SLC46A2: variants seen among roughly 807,000 people sequenced by gnomAD.
The protein encoded by SLC46A2 is solute carrier family 46 member 2.
A neutral mutation model predicts 33.1 loss-of-function variants in SLC46A2; 25 were observed. The observed-to-expected ratio is 0.76, with a 90% CI of 0.55 to 1.06. SLC46A2 has a LOEUF of 1.06. Ranked by LOEUF, SLC46A2 falls within the 50% of genes least tolerant of loss-of-function variation. The probability of loss-of-function intolerance (pLI) is 0.00; values close to 1 mark genes in which losing one functional copy is unlikely to be tolerated. For missense variants in SLC46A2, 622 were observed against 621.7 expected, an observed-to-expected ratio of 1.00 and a Z score of 0.00; for synonymous variants, 254 against 275.9, an observed-to-expected ratio of 0.92 and a Z score of 0.79.
In SLC46A2 at chr9:112,887,295, C is replaced by T. The variant is rs1841653391; in HGVS notation, c.1213+35G>A. 5.6e-6 allele frequency: 9 copies of T among 1,600,736 alleles called. No individual in the cohort carries two copies. In the East Asian group the frequency reaches 1.1e-4, roughly 20 times the overall value. On this transcript the variant is annotated intron_variant, in intron 2 of 3. Transcript: ENST00000374228. ...CTTAGCAGCTCTGAAACAGCCCGGG[C>T]AGAAGATTCCAGAGAGATTCTGTTC... is the stretch of plus-strand genomic sequence containing the variant.
rs760890495 is a variant in SLC46A2 at position 112,887,416 on chromosome 9, G to A, written c.1130-3C>T. 2.5e-6 allele frequency: 4 copies of A among 1,605,258 alleles called. No individual in the cohort carries two copies. In the African/African-American group the frequency reaches 5.4e-5, roughly 22 times the overall value. ...AGCAAACAGCATGACGGCTCGAGCT[G>A]AAAGAGATCACACAAGAACACTCCT... On this transcript the variant is annotated splice_region_variant and splice_polypyrimidine_tract_variant and intron_variant, in intron 1 of 3. Coordinates refer to ENST00000374228, the MANE Select transcript of SLC46A2 (RefSeq NM_033051.4).
Position 112,890,801 on chromosome 9 carries a change from C to G in SLC46A2, c.-120G>C. ...CGGAGCGCGAGTGTGCTCCGTGCGC[C>G]GGGAGCGCGAGTGTGCTCCGTGCGC... On this transcript the variant is annotated 5_prime_UTR_variant, in exon 1 of 4. Coordinates refer to ENST00000374228, the MANE Select transcript of SLC46A2 (RefSeq NM_033051.4). This position sits in a 1 kb window ranked among gnomAD's most constrained non-coding sequence, Gnocchi z 6.0. 1 of 779,904 alleles carries G rather than the reference C, an allele frequency of 1.3e-6. No individual in the cohort carries two copies. The highest frequency in any genetic ancestry group is 2.2e-5 in the South Asian group (1 of 46,376). 48.3% of individuals were successfully genotyped at this position (779,904 alleles called of 1,614,324 possible). A position where few individuals can be genotyped will look rare whatever the true frequency, so the allele number is the denominator to read the frequency against.
At chr9:112,886,815 C>T (rs1411068681) in intron 2 of SLC46A2, among the ~76,000 whole-genome samples, 199 bp from the exon 3 acceptor site, 2 of 152,176 alleles carry the variant, frequency 1.3e-5, no homozygotes, top group Non-Finnish European at 2.9e-5. Context: ...GCCTTAAACT[C>T]CTGGGCTCAG....
In SLC46A2 at chr9:112,890,181, G is replaced by A. The variant is rs371721307; in HGVS notation, c.501C>T (p.Gly167=). ...TGAGGATGAGGCGCACAGAGCGGCG[G>A]CCCTCGGAGGAGCCCAGCGATCCCA... ...MALGSLGSSE[G]RRSVRLILID... is the part of the protein sequence containing the mutation. The change falls in exon 1 of 4, where the codon GGC becomes GGT. Residue 167 remains glycine (G), a synonymous_variant. Coordinates refer to ENST00000374228, the MANE Select transcript of SLC46A2 (RefSeq NM_033051.4). This position sits in a 1 kb window ranked among gnomAD's most constrained non-coding sequence, Gnocchi z 6.0. 1.4e-5 allele frequency: 23 copies of A among 1,612,898 alleles called. No individual in the cohort carries two copies. The highest frequency in any genetic ancestry group is 1.0e-5 in the Non-Finnish European group (12 of 1,179,904).
At position 112,890,157 on chromosome 9, in the gene SLC46A2, G is replaced by A; in HGVS notation, c.525C>T (p.Leu175=). The A allele has an allele frequency of 6.2e-7, 1 of 1,613,652 alleles. No homozygotes were observed. Among genetic ancestry groups the A allele is most frequent in the Admixed American group, 1.7e-5 (1 of 60,020 alleles). Residue 175 remains leucine (L), a synonymous_variant, in exon 1 of 4, where the codon CTC becomes CTT. Coordinates refer to ENST00000374228, the MANE Select transcript of SLC46A2 (RefSeq NM_033051.4). The surrounding 1 kb of genome is among the most constrained non-coding windows in gnomAD (Gnocchi z 6.0). ...CCGCCAAGCCCAGCATCAGGTCAAT[G>A]AGGATGAGGCGCACAGAGCGGCGGC... ...SEGRRSVRLI[L]IDLMLGLAGF...
At position 112,878,928 on chromosome 9, in the gene SLC46A2, A is replaced by G. The variant is rs1841545938; in HGVS notation, c.*834T>C. 6.6e-6 allele frequency: 1 copy of G among 152,204 alleles called. No homozygotes were observed. The highest frequency in any genetic ancestry group is 2.4e-5 in the African/African-American group (1 of 41,472). 9.4% of individuals were successfully genotyped at this position (152,204 alleles called of 1,614,324 possible). On this transcript the variant is annotated 3_prime_UTR_variant, in exon 4 of 4. Transcript: ENST00000374228. ...AACGATTCACACACTCATACAATGA[A>G]TGTTGATTTTATTAGGTGAGTCTGC...
At chr9:112,888,481 A>G (rs1841674473) in intron 1 of SLC46A2, among the ~76,000 whole-genome samples, 1 of 152,164 alleles carries the variant, frequency 6.6e-6, no homozygotes, top group Admixed American at 6.5e-5. Context: ...TGTTTTTTTG[A>G]TATGATAGCC....
intron 1 of SLC46A2, 99 bp from the exon 2 acceptor site, chr9:112,887,512 T>C (rs527706060): frequency 1.8e-6 from 2 of 1,091,544 alleles, no homozygotes; most frequent in African/African-American, 1.6e-5. Context: ...CTCCCCACAA[T>C]CCGAATGTGG....
In SLC46A2 at chr9:112,879,821, T is replaced by C; in HGVS notation, c.1371-2A>G. On this transcript the variant is annotated splice_acceptor_variant, in intron 3 of 3. Coordinates refer to ENST00000374228, the MANE Select transcript of SLC46A2 (RefSeq NM_033051.4). LOFTEE classifies it high-confidence loss of function. ...GGGACTTGTTTATAGGCCACGATGCTGTAAGAATTGACCATAGAGAGTTAC... is the reference window on the plus strand; with the variant it reads ...GGGACTTGTTTATAGGCCACGATGCCGTAAGAATTGACCATAGAGAGTTAC... The C allele has an allele frequency of 6.2e-7, 1 of 1,612,588 alleles. No individual in the cohort carries two copies. The highest frequency in any genetic ancestry group is 8.5e-7 in the Non-Finnish European group (1 of 1,178,812).
chr9:112,889,223 T>A (rs1210174394), intron 1 of SLC46A2, among the ~76,000 whole-genome samples: 1 of 151,648 alleles, frequency 6.6e-6, no homozygotes, highest in African/African-American at 2.4e-5. Context: ...GGCAAGGGGG[T>A]GTGGGGGAAG....
intron 2 of SLC46A2, 132 bp from the exon 3 acceptor site, chr9:112,886,748 A>G: frequency 1.0e-6 from 1 of 958,308 alleles, no homozygotes; most frequent in Non-Finnish European, 1.5e-6. Flanking sequence ...TTTTAGAGAC[A>G]GAGTCTTACT....
At position 112,890,859 on chromosome 9, in the gene SLC46A2, A is replaced by G. The variant is rs1022270367; in HGVS notation, c.-178T>C. ...GCGCCGGCCAGTGGCGAGCAGAGCC[A>G]GGGCACGCAGCGCCTGTGACAGCAG... On this transcript the variant is annotated 5_prime_UTR_variant, in exon 1 of 4. Transcript: ENST00000374228. The surrounding 1 kb of genome is among the most constrained non-coding windows in gnomAD (Gnocchi z 6.0). 1 of 757,340 alleles carries G rather than the reference A, an allele frequency of 1.3e-6. No homozygotes were observed. Among genetic ancestry groups the G allele is most frequent in the Non-Finnish European group, 2.0e-6 (1 of 492,592 alleles). The allele number at this position is 757,340 out of a possible 1,614,324, so 46.9% of individuals were successfully genotyped here.
At chr9:112,882,617 TAAAAA>T (rs1057325753) in intron 3 of SLC46A2, among the ~76,000 whole-genome samples, 7 of 151,890 alleles carry the variant, frequency 4.6e-5, no homozygotes, top group Admixed American at 1.3e-4. Flanking sequence ...GCAGTAGAGA[TAAAAA>T]GAAAAGCATA....
intron 3 of SLC46A2, 113 bp downstream of exon 3, chr9:112,886,347 G>T: frequency 8.4e-7 from 1 of 1,184,312 alleles, no homozygotes; most frequent in Admixed American, 1.9e-5. Flanking sequence ...AGGACCCACT[G>T]CATAAATGCT....
At chr9:112,885,330 A>G (rs1323599984) in intron 3 of SLC46A2, 5 of 151,880 alleles carry the variant, frequency 3.3e-5, no homozygotes, top group Non-Finnish European at 4.4e-5. Flanking sequence ...CTATACCACC[A>G]TTACTGATCT....
At chr9:112,887,229 TG>T in intron 2 of SLC46A2, 100 bp downstream of exon 2, 2 of 1,039,306 alleles carry the variant, frequency 1.9e-6, no homozygotes, top group Non-Finnish European at 2.9e-6. Context: ...AAGATGCTTC[TG>T]GAACTGTCTC....
In SLC46A2 at chr9:112,889,683, G is replaced by A; in HGVS notation, c.999C>T (p.Thr333=). 1 of 1,614,122 alleles carries A rather than the reference G, an allele frequency of 6.2e-7. No individual in the cohort carries two copies. Among genetic ancestry groups the A allele is most frequent in the Non-Finnish European group, 8.5e-7 (1 of 1,180,000 alleles). The change falls in exon 1 of 4, where the codon ACC becomes ACT. Residue 333 remains threonine, a synonymous_variant. Coordinates refer to ENST00000374228, the MANE Select transcript of SLC46A2 (RefSeq NM_033051.4). ...AGAAGACCAGGACACCCAGGAAGCT[G>A]GTGATGAAGATGGTGTACCCTGCAG... ...GMAAGYTIFI[T]SFLGVLVFSR...
chr9:112,881,729 T>C (rs1272131989), intron 3 of SLC46A2: 2 of 152,226 alleles, frequency 1.3e-5, no homozygotes, highest in Admixed American at 6.5e-5. Flanking sequence ...GAGAGCCAAA[T>C]AGCCATGGTC....
chr9:112,886,292 G>A (rs558605093), intron 3 of SLC46A2, among the ~76,000 whole-genome samples, 168 bp downstream of exon 3: 131 of 152,330 alleles, frequency 8.6e-4, no homozygotes, highest in African/African-American at 3.0e-3. Flanking sequence ...CACATTTTTA[G>A]TGTTGGGAAA....
Sources: allele counts gnomAD v4.1 joint callset (sites outside exome capture counted in the v4.1 genomes callset), GRCh38; gene constraint gnomAD v4.1.1; non-coding constraint Gnocchi (gnomAD v3.1); transcripts MANE v1.5; gene names NCBI Gene and HGNC (gene_info 2026-07-23, HGNC 2026-07-21).